Variants in CC2D2B observed in about 807,000 individuals in gnomAD.
The protein encoded by CC2D2B is coiled-coil and C2 domain containing 2B.
Under a neutral mutation model 161.2 loss-of-function variants are expected in CC2D2B, and 128 were observed. That is an observed-to-expected ratio of 0.79 (90% CI 0.69 to 0.92). CC2D2B has a LOEUF of 0.92. CC2D2B is among the 40% of genes least tolerant of loss of function. CC2D2B has a pLI of 0.00. For missense variants in CC2D2B, 1,173 were observed against 1,375.1 expected (o/e 0.85, Z 2.32); for synonymous variants, 391 against 449.8 (o/e 0.87, Z 1.65).
At position 96,009,916 on chromosome 10, in the gene CC2D2B, A is replaced by G; in HGVS notation, c.3038A>G (p.Gln1013Arg). 1 of 1,598,714 alleles carries G rather than the reference A, an allele frequency of 6.3e-7. No homozygotes were observed. Among genetic ancestry groups the G allele is most frequent in the Non-Finnish European group, 8.6e-7 (1 of 1,167,700 alleles). Residue 1013 changes from glutamine (Q) to arginine (R), a missense_variant, in exon 26 of 35, where the codon CAA becomes CGA. Physicochemically the swap from Gln to Arg is conservative, Grantham distance 43. Around this residue, in one of 3 missense-constraint regions of CC2D2B, gnomAD observed 598 missense variants for 693.2 expected, o/e 0.86. Transcript: ENST00000646931. ...IVFPFSALLQQSEISGTFQVT... is the reference protein window; with the variant it reads ...IVFPFSALLQRSEISGTFQVT... ...TTCCCTTTTTCTGCTCTTCTGCAAC[A>G]ATCTGAGGTAAGAGAAAATGCTTCT...
At chr10:95,963,193 A>C (rs999675720) in intron 12 of CC2D2B, among the ~76,000 whole-genome samples, 2 of 152,182 alleles carry the variant, frequency 1.3e-5, no homozygotes, top group African/African-American at 4.8e-5. Context: ...TGGGGCATTT[A>C]GTTTAAGCAG....
intron 22 of CC2D2B, among the ~76,000 whole-genome samples, chr10:95,993,817 GTGTATATATAA>G (rs1258497724): frequency 6.3e-5 from 9 of 142,328 alleles, no homozygotes; most frequent in East Asian, 6.0e-4. Flanking sequence ...TATATATAGA[GTGTATATATAA>G]AGAGTGTATA....
At chr10:96,026,952 G>A (rs2079807268) in intron 33 of CC2D2B, among the ~76,000 whole-genome samples, 1 of 152,062 alleles carries the variant, frequency 6.6e-6, no homozygotes, top group African/African-American at 2.4e-5. Context: ...GTGAAACCCC[G>A]TCTCTACTGA....
chr10:96,011,316 A>T (rs2078978957), intron 26 of CC2D2B, among the ~76,000 whole-genome samples: 2 of 152,236 alleles, frequency 1.3e-5, no homozygotes, highest in South Asian at 4.1e-4. Flanking sequence ...ACTGCAGGAT[A>T]CAGTGGTAGG....
chr10:95,938,495 G>T, intron 7 of CC2D2B, 74 bp from the exon 8 acceptor site: 1 of 625,162 alleles, frequency 1.6e-6, no homozygotes, highest in South Asian at 2.1e-5. Context: ...ATAGTTGTTT[G>T]TACTACTTAT....
intron 17 of CC2D2B, among the ~76,000 whole-genome samples, chr10:95,979,907 G>A (rs2077450129): frequency 6.6e-6 from 1 of 152,180 alleles, no homozygotes; most frequent in South Asian, 2.1e-4. Flanking sequence ...TAAATGTTAT[G>A]TATATTTTAC....
chr10:95,990,631 A>C (rs1004573488), intron 20 of CC2D2B, among the ~76,000 whole-genome samples: 18 of 152,056 alleles, frequency 1.2e-4, no homozygotes, highest in African/African-American at 3.6e-4. Flanking sequence ...TCACCACTCC[A>C]TTTCCCTACC....
chr10:95,938,325 T>A, intron 7 of CC2D2B, 136 bp downstream of exon 7: 1 of 655,070 alleles, frequency 1.5e-6, no homozygotes, highest in East Asian at 2.7e-5. Flanking sequence ...TTTTCATGAC[T>A]TCCCTGAATT....
intron 5 of CC2D2B, among the ~76,000 whole-genome samples, chr10:95,926,533 TAA>T (rs1391311206): frequency 1.3e-5 from 2 of 151,654 alleles, no homozygotes; most frequent in Middle Eastern, 3.4e-3. Context: ...TTATCTTATA[TAA>T]AGTTATATCT....
Position 96,032,184 on chromosome 10 carries a change from T to C in CC2D2B, c.*176T>C. The C allele has an allele frequency of 1.8e-6, 1 of 569,022 alleles. No individual in the cohort carries two copies. Among genetic ancestry groups the C allele is most frequent in the African/African-American group, 1.9e-5 (1 of 53,526 alleles). 35.2% of individuals were successfully genotyped at this position (569,022 alleles called of 1,614,324 possible). A position where few individuals can be genotyped will look rare whatever the true frequency, so the allele number is the denominator to read the frequency against. ...AGACTCGCACCCCTGAGTGAGTCTT[T>C]GAGGAGGAGTCTAGATGAGCTTCTC... On this transcript the variant is annotated 3_prime_UTR_variant, in exon 35 of 35. Transcript: ENST00000646931.
intron 2 of CC2D2B, chr10:95,920,825 C>G (rs1341685171): frequency 2.6e-5 from 4 of 152,314 alleles, no homozygotes; most frequent in Admixed American, 2.0e-4. Flanking sequence ...CGGTGTCCGT[C>G]TAAAAATATT....
At chr10:95,937,540 T>C (rs1481536371) in intron 6 of CC2D2B, among the ~76,000 whole-genome samples, 1 of 152,118 alleles carries the variant, frequency 6.6e-6, no homozygotes, top group Non-Finnish European at 1.5e-5. Flanking sequence ...TTTCTTTTTT[T>C]TTTTCATGAA....
chr10:95,999,686 GA>G (rs2078384676), intron 24 of CC2D2B: 1 of 179,142 alleles, frequency 5.6e-6, no homozygotes, highest in Non-Finnish European at 1.2e-5. Context: ...ATATTTATTT[GA>G]GAGAGAGGAC....
In CC2D2B at chr10:95,938,628, T is replaced by A; in HGVS notation, c.595T>A (p.Phe199Ile). The A allele has an allele frequency of 1.4e-6, 1 of 714,134 alleles. No individual in the cohort carries two copies. The highest frequency in any genetic ancestry group is 2.6e-6 in the Non-Finnish European group (1 of 384,174). The allele number at this position is 714,134 out of a possible 1,614,324, so 44.2% of individuals were successfully genotyped here. The change falls in exon 8 of 35, where the codon TTC becomes ATC. Residue 199 changes from phenylalanine (F) to isoleucine (I), a missense_variant. Coordinates refer to ENST00000646931, the MANE Select transcript of CC2D2B (RefSeq NM_001349008.3). ...GCCACGTATTCTAGAAGATGAAGGA[T>A]TCTATATTCAGAGAAAGCCAGAAAT... ...MMPRILEDEG[F>I]YIQRKPEIYK...
chr10:95,935,989 T>C (rs1041754052), intron 6 of CC2D2B, among the ~76,000 whole-genome samples: 1 of 152,204 alleles, frequency 6.6e-6, no homozygotes, highest in Non-Finnish European at 1.5e-5. Flanking sequence ...TATCAAACTT[T>C]CCTATGCTCT....
chr10:95,948,011 C>T (rs2076282052), intron 9 of CC2D2B, among the ~76,000 whole-genome samples: 2 of 152,158 alleles, frequency 1.3e-5, no homozygotes, highest in Non-Finnish European at 2.9e-5. Flanking sequence ...CGGTTCTAAA[C>T]ACCATTTGTC....
chr10:96,008,998 A>G (rs908012962), intron 25 of CC2D2B, among the ~76,000 whole-genome samples: 3 of 152,092 alleles, frequency 2.0e-5, no homozygotes, highest in Admixed American at 6.6e-5. Context: ...TATTACATAC[A>G]TATTTCTTTT....
chr10:95,907,680 C>A (rs890973024), upstream of CC2D2B: 1 of 152,566 alleles, frequency 6.6e-6, no homozygotes, highest in African/African-American at 2.4e-5. Context: ...GTATACTCTT[C>A]TTCTTCACCA....
chr10:96,029,282 ATATG>A (rs1302615928), intron 34 of CC2D2B, among the ~76,000 whole-genome samples: 38 of 53,222 alleles, frequency 7.1e-4, no homozygotes, highest in East Asian at 2.5e-3. Context: ...ATATATATAT[ATATG>A]TATATATATA....
Sources: gnomAD v4.1 joint callset for allele counts (sites outside exome capture counted in the v4.1 genomes callset) on GRCh38, gnomAD v4.1.1 for gene constraint, gnomAD v4.1.1 regional missense constraint, MANE v1.5 for transcripts, NCBI Gene and HGNC (gene_info 2026-07-23, HGNC 2026-07-21) for gene names.